Variants in TULP4 observed in about 807,000 individuals in gnomAD.
TULP4 encodes the protein TUB like protein 4, also known as tubby-related protein 4.
Under a neutral mutation model 129.0 loss-of-function variants are expected in TULP4, and 16 were observed. The ratio of observed to expected loss-of-function variants is 0.12; its 90% CI spans 0.08 to 0.19. The LOEUF (loss-of-function observed/expected upper bound fraction) is 0.19, where lower values mean the gene tolerates loss of function less well. Among genes scored for constraint, TULP4 ranks in the 10% least tolerant of loss-of-function variants. The pLI, the probability that TULP4 is intolerant of heterozygous loss-of-function variation, is 1.00. For missense variants in TULP4, 1,842 were observed against 2,059.1 expected (o/e 0.89, Z 2.04); for synonymous variants, 998 against 854.0 (o/e 1.17, Z -2.94).
At chr6:158,504,755 A>G (rs1416257188) in intron 13 of TULP4, among the ~76,000 whole-genome samples, 2 of 151,590 alleles carry the variant, frequency 1.3e-5, no homozygotes, top group African/African-American at 2.4e-5. Flanking sequence ...GCCTCTCAAG[A>G]TGTTGGGATT....
intron 1 of TULP4, among the ~76,000 whole-genome samples, chr6:158,396,961 G>T (rs1158501161): frequency 6.6e-6 from 1 of 152,222 alleles, no homozygotes; most frequent in Non-Finnish European, 1.5e-5. Context: ...GGGATGTGGG[G>T]AAGTGGATCA....
intron 1 of TULP4, among the ~76,000 whole-genome samples, chr6:158,235,371 C>G (rs1777671633): frequency 6.6e-6 from 1 of 152,154 alleles, no homozygotes; most frequent in South Asian, 2.1e-4. Flanking sequence ...TATTTTCTAT[C>G]TCTATGAATT....
chr6:158,318,944 CTG>C (rs1194583147), intron 1 of TULP4, among the ~76,000 whole-genome samples: 2 of 144,906 alleles, frequency 1.4e-5, no homozygotes, highest in Non-Finnish European at 3.0e-5. Context: ...CAGGGTTTTG[CTG>C]TGTTGCCCAG....
intron 1 of TULP4, among the ~76,000 whole-genome samples, chr6:158,234,885 G>T (rs539772825): frequency 1.7e-4 from 26 of 152,250 alleles, no homozygotes; most frequent in Non-Finnish European, 3.1e-4. Context: ...TTATCATCCT[G>T]GCTGGGTGTG....
chr6:158,364,938 T>C (rs547042447), intron 1 of TULP4, among the ~76,000 whole-genome samples: 161 of 152,138 alleles, frequency 1.1e-3, no homozygotes, highest in African/African-American at 3.8e-3. Context: ...GGTTTCACCA[T>C]GTTAGTCAGG....
upstream of TULP4, among the ~76,000 whole-genome samples, chr6:158,311,137 T>G (rs763532457): frequency 1.3e-5 from 2 of 152,212 alleles, no homozygotes; most frequent in African/African-American, 4.8e-5. Flanking sequence ...AGTCTTTTGC[T>G]GGGACTTGAT....
At chr6:158,418,116 T>TTTGGGGG (rs1562557706) in intron 2 of TULP4, among the ~76,000 whole-genome samples, 1 of 104,920 alleles carries the variant, frequency 9.5e-6, no homozygotes, top group Non-Finnish European at 2.5e-5. Flanking sequence ...TTTTTTTTTT[T>TTTGGGGG]GGGAGCGGGG....
At chr6:158,275,678 T>A (rs918040205) in intron 1 of TULP4, among the ~76,000 whole-genome samples, 1 of 152,224 alleles carries the variant, frequency 6.6e-6, no homozygotes, top group African/African-American at 2.4e-5. Context: ...CCTGTCAGCA[T>A]GGAGCCCAAG....
chr6:158,491,731 T>C (rs528696256), intron 9 of TULP4, among the ~76,000 whole-genome samples: 1 of 152,158 alleles, frequency 6.6e-6, no homozygotes, highest in Non-Finnish European at 1.5e-5. Flanking sequence ...GACCTCATGA[T>C]CCGCCTACCT....
chr6:158,286,808 A>C (rs1053201029), intron 1 of TULP4, among the ~76,000 whole-genome samples: 14 of 152,168 alleles, frequency 9.2e-5, no homozygotes, highest in African/African-American at 3.4e-4. Flanking sequence ...CCAAATTTTT[A>C]TTTCAGCTCT....
At chr6:158,293,007 A>G (rs1315727871) in intron 1 of TULP4, among the ~76,000 whole-genome samples, 1 of 152,270 alleles carries the variant, frequency 6.6e-6, no homozygotes, top group African/African-American at 2.4e-5. Context: ...ATATGGTACC[A>G]CAGTATTTTA....
intron 4 of TULP4, 141 bp downstream of exon 4, chr6:158,449,317 C>A: frequency 2.4e-6 from 2 of 818,720 alleles, no homozygotes; most frequent in Non-Finnish European, 3.7e-6. Context: ...AGTTATCAAG[C>A]TGAAATGCAA....
intron 6 of TULP4, among the ~76,000 whole-genome samples, chr6:158,474,181 C>A (rs1779759484): frequency 6.6e-6 from 1 of 152,190 alleles, no homozygotes. Context: ...AACATTTCAT[C>A]CTACTAGGTG....
At chr6:158,431,053 T>G (rs1194023508) in intron 3 of TULP4, among the ~76,000 whole-genome samples, 1 of 152,206 alleles carries the variant, frequency 6.6e-6, no homozygotes, top group Non-Finnish European at 1.5e-5. Flanking sequence ...AAAAGGTATT[T>G]TCAGCTCCAT....
chr6:158,500,685 T>C (rs1194569997), intron 12 of TULP4, among the ~76,000 whole-genome samples: 1 of 152,230 alleles, frequency 6.6e-6, no homozygotes, highest in East Asian at 1.9e-4. Flanking sequence ...ACGCACGCTC[T>C]GTTAAACTCT....
In TULP4 at chr6:158,489,597, A is replaced by G. The variant is rs748591913; in HGVS notation, c.1496A>G (p.Tyr499Cys). The change falls in exon 9 of 14, where the codon TAT becomes TGT. Residue 499 changes from tyrosine (Y) to cysteine (C), a missense_variant. Tyr to Cys is a radical substitution (Grantham distance 194). Around this residue, in one of 5 missense-constraint regions of TULP4, gnomAD observed 456 missense variants for 534.3 expected, o/e 0.85. Transcript: ENST00000367097. ...PRTDSKPDEI[Y>C]GNSLISTVID... is the part of the protein sequence containing the mutation. ...GTTGGTGTTTTACCAGATGAAATCTATGGGAACAGCTTGATTTCTACTGTG... is the reference window on the plus strand; with the variant it reads ...GTTGGTGTTTTACCAGATGAAATCTGTGGGAACAGCTTGATTTCTACTGTG... The G allele has an allele frequency of 5.0e-6, 8 of 1,614,180 alleles. No individual in the cohort carries two copies. The highest frequency in any genetic ancestry group is 2.2e-5 in the East Asian group (1 of 44,882).
At chr6:158,370,049 A>G (rs987916774) in intron 1 of TULP4, among the ~76,000 whole-genome samples, 9 of 152,072 alleles carry the variant, frequency 5.9e-5, no homozygotes, top group Non-Finnish European at 1.0e-4. Flanking sequence ...AAAAAATACA[A>G]AAACTAGCTG....
chr6:158,344,460 G>A (rs1490118687), intron 1 of TULP4, among the ~76,000 whole-genome samples: 1 of 152,172 alleles, frequency 6.6e-6, no homozygotes, highest in Non-Finnish European at 1.5e-5. Context: ...GTTTTCAACA[G>A]CGTATATTCA....
chr6:158,375,427 G>A (rs1777161407), intron 1 of TULP4, among the ~76,000 whole-genome samples: 1 of 152,210 alleles, frequency 6.6e-6, no homozygotes. Context: ...CCTCAGTGAT[G>A]GAGTGGTTTG....
Sources: allele counts gnomAD v4.1 joint callset (sites outside exome capture counted in the v4.1 genomes callset), GRCh38; gene constraint gnomAD v4.1.1; regional missense constraint gnomAD v4.1.1; transcripts MANE v1.5; gene names NCBI Gene and HGNC (gene_info 2026-07-23, HGNC 2026-07-21).